The following PPM1L variants were observed in gnomAD, a reference collection of about 807,000 sequenced individuals.
The protein encoded by PPM1L is protein phosphatase 1L.
A neutral mutation model predicts 31.4 loss-of-function variants in PPM1L; 13 were observed. That is an observed-to-expected ratio of 0.41 (90% CI 0.27 to 0.66). The LOEUF (loss-of-function observed/expected upper bound fraction) is 0.66. Ranked by LOEUF, PPM1L falls within the 30% of genes least tolerant of loss-of-function variation. PPM1L has a pLI of 0.29. For missense variants in PPM1L, 326 were observed against 453.7 expected, an observed-to-expected ratio of 0.72 and a Z score of 2.56; for synonymous variants, 184 against 175.4, an observed-to-expected ratio of 1.05 and a Z score of -0.39.
rs1323530297 is a variant in PPM1L at position 161,074,366 on chromosome 3, A to C, written c.*5209A>C. The C allele has an allele frequency of 6.6e-6, 1 of 152,248 alleles. No homozygotes were observed. Among genetic ancestry groups the C allele is most frequent in the African/African-American group, 2.4e-5 (1 of 41,462 alleles). 9.4% of individuals were successfully genotyped at this position (152,248 alleles called of 1,614,324 possible). A position where few individuals can be genotyped will look rare whatever the true frequency, so the allele number is the denominator to read the frequency against. On this transcript the variant is annotated 3_prime_UTR_variant, in exon 4 of 4. Transcript: ENST00000498165. ...GCAGAAATAGGTTTGGGAAGCTATG[A>C]GAGATTACCCCAAAGTCATGGATGA...
At chr3:160,939,728 T>C in intron 1 of PPM1L, 1 of 167,018 alleles carries the variant, frequency 6.0e-6, no homozygotes, top group Non-Finnish European at 1.3e-5. Flanking sequence ...GGAAATCCAA[T>C]TAAACCTCTT....
chr3:160,771,467 T>G (rs1466539127), intron 1 of PPM1L, among the ~76,000 whole-genome samples: 3 of 151,602 alleles, frequency 2.0e-5, no homozygotes, highest in Non-Finnish European at 4.4e-5. Context: ...GGTCTTGAAC[T>G]TCTGAGCTCA....
At chr3:160,804,133 C>T (rs981283035) in intron 1 of PPM1L, among the ~76,000 whole-genome samples, 4 of 151,596 alleles carry the variant, frequency 2.6e-5, no homozygotes, top group Non-Finnish European at 5.9e-5. Flanking sequence ...GGGGTTTCAC[C>T]GTGTTAGCCA....
intron 1 of PPM1L, among the ~76,000 whole-genome samples, chr3:160,959,552 G>A (rs569625083): frequency 9.2e-5 from 14 of 152,336 alleles, no homozygotes; most frequent in Admixed American, 2.6e-4. Context: ...AGTATTGTCT[G>A]TGCGTGGTTG....
intron 2 of PPM1L, among the ~76,000 whole-genome samples, chr3:160,984,414 G>A (rs542993518): frequency 6.6e-5 from 10 of 152,252 alleles, no homozygotes; most frequent in African/African-American, 1.9e-4. Flanking sequence ...CTGTTACCCT[G>A]TTCTTAAGGT....
At chr3:160,880,483 T>C (rs1313246084) in intron 1 of PPM1L, among the ~76,000 whole-genome samples, 1 of 152,172 alleles carries the variant, frequency 6.6e-6, no homozygotes, top group Non-Finnish European at 1.5e-5. Context: ...CATTTTCCCA[T>C]GCTGCAGGTG....
intron 2 of PPM1L, among the ~76,000 whole-genome samples, chr3:161,029,772 C>G (rs1439704122): frequency 1.3e-5 from 2 of 152,178 alleles, no homozygotes; most frequent in East Asian, 3.8e-4. Flanking sequence ...AGAATTTCTC[C>G]TTTCCTTGCT....
At chr3:161,001,394 T>C (rs1249950718) in intron 2 of PPM1L, among the ~76,000 whole-genome samples, 1 of 152,118 alleles carries the variant, frequency 6.6e-6, no homozygotes, top group East Asian at 1.9e-4. Flanking sequence ...GTGATTCTTG[T>C]GCCTCAGCCT....
At chr3:160,886,764 C>CA (rs1467483956) in intron 1 of PPM1L, among the ~76,000 whole-genome samples, 1 of 151,914 alleles carries the variant, frequency 6.6e-6, no homozygotes, top group Non-Finnish European at 1.5e-5. Context: ...AAAAAATCAA[C>CA]AAAAAAACGC....
chr3:161,045,881 G>A (rs922153812), intron 2 of PPM1L, among the ~76,000 whole-genome samples: 4 of 152,082 alleles, frequency 2.6e-5, no homozygotes, highest in South Asian at 2.1e-4. Flanking sequence ...CGAGGCTGAG[G>A]TGGGTGGATC....
chr3:161,000,572 GA>G (rs1443385740), intron 2 of PPM1L, among the ~76,000 whole-genome samples: 3 of 152,134 alleles, frequency 2.0e-5, no homozygotes, highest in African/African-American at 4.8e-5. Context: ...GATGAATCTG[GA>G]AAAAAAGTTA....
At chr3:160,827,552 A>G (rs1488932157) in intron 1 of PPM1L, among the ~76,000 whole-genome samples, 2 of 151,654 alleles carry the variant, frequency 1.3e-5, no homozygotes, top group Admixed American at 1.3e-4. Flanking sequence ...TGCATACTCT[A>G]ATATCCAGAA....
rs1350812967 is a variant in PPM1L, at chr3:160,886,075, A to T, written c.400-75661A>T. ...AAAGGTGTCCCCCACAGGCCAACAC[A>T]CCAGCTGTGGCGGACTGCAGCCAGA... On this transcript the variant is annotated intron_variant, in intron 1 of 3. Coordinates refer to ENST00000498165, the MANE Select transcript of PPM1L (RefSeq NM_139245.4). 3.9e-5 allele frequency among the ~76,000 whole-genome samples: 6 copies of T among 152,336 alleles called. 1 individual carries two copies. The highest frequency in any genetic ancestry group is 1.4e-4 in the African/African-American group (6 of 41,576).
chr3:161,030,117 TC>T (rs1718516768), intron 2 of PPM1L, among the ~76,000 whole-genome samples: 1 of 152,208 alleles, frequency 6.6e-6, no homozygotes, highest in Non-Finnish European at 1.5e-5. Context: ...AGTTTCCAAA[TC>T]AGCAACTGCT....
intron 2 of PPM1L, among the ~76,000 whole-genome samples, chr3:160,988,023 C>T (rs148246974): frequency 1.3e-5 from 2 of 152,012 alleles, no homozygotes; most frequent in Admixed American, 1.3e-4. Flanking sequence ...TAAGAGTTAA[C>T]GATTGAGAAG....
At chr3:160,895,624 A>G (rs1432565222) in intron 1 of PPM1L, among the ~76,000 whole-genome samples, 1 of 152,136 alleles carries the variant, frequency 6.6e-6, no homozygotes, top group East Asian at 1.9e-4. Context: ...TGTGACCCTC[A>G]TAGCAATTCT....
intron 1 of PPM1L, among the ~76,000 whole-genome samples, chr3:160,956,914 A>G (rs974008046): frequency 2.0e-5 from 3 of 152,250 alleles, no homozygotes; most frequent in East Asian, 3.8e-4. Context: ...TTGAGCTTCT[A>G]TGGTATAAAG....
intron 1 of PPM1L, among the ~76,000 whole-genome samples, chr3:160,798,546 G>C (rs564369489): frequency 6.6e-6 from 1 of 152,162 alleles, no homozygotes; most frequent in African/African-American, 2.4e-5. Context: ...TAGCACATCT[G>C]TTCACAGCAT....
chr3:160,901,189 C>G (rs1713530574), intron 1 of PPM1L, among the ~76,000 whole-genome samples: 1 of 152,114 alleles, frequency 6.6e-6, no homozygotes, highest in East Asian at 1.9e-4. Context: ...GCTCAGACCT[C>G]TCCTGTGACT....
Sources: gnomAD v4.1 joint callset for allele counts (sites outside exome capture counted in the v4.1 genomes callset) on GRCh38, gnomAD v4.1.1 for gene constraint, MANE v1.5 for transcripts, NCBI Gene and HGNC (gene_info 2026-07-23, HGNC 2026-07-21) for gene names.